DCTPP1: variants seen among roughly 807,000 people sequenced by gnomAD.
DCTPP1 encodes the protein XTP3-transactivated gene A protein.
DCTPP1 carries 8 observed loss-of-function variants against 8.8 expected under a neutral mutation model. The observed-to-expected ratio is 0.91, with a 90% CI of 0.54 to 1.64. The LOEUF (loss-of-function observed/expected upper bound fraction) is 1.64. Among genes scored for constraint, DCTPP1 ranks in the 40% most tolerant of loss-of-function variants. The probability of loss-of-function intolerance (pLI) is 0.00; values close to 1 mark genes in which losing one functional copy is unlikely to be tolerated. For synonymous variants in DCTPP1, 85 were observed against 92.1 expected, an observed-to-expected ratio of 0.92 and a Z score of 0.44; for missense variants, 231 against 230.4, an observed-to-expected ratio of 1.00 and a Z score of -0.02.
At position 30,424,129 on chromosome 16, in the gene DCTPP1, C is replaced by T; in HGVS notation, c.*104G>A. The T allele has an allele frequency of 7.2e-7, 1 of 1,387,846 alleles. No individual in the cohort carries two copies. The highest frequency in any genetic ancestry group is 9.6e-7 in the Non-Finnish European group (1 of 1,039,948). 86.0% of individuals were successfully genotyped at this position (1,387,846 alleles called of 1,614,324 possible). On this transcript the variant is annotated 3_prime_UTR_variant, in exon 3 of 3. Coordinates refer to ENST00000319285, the MANE Select transcript of DCTPP1 (RefSeq NM_024096.2). ...CTCAGACCTCAAGAAGTGGAGGCCT[C>T]AGGCCCATGATCTATTCTGAAAAGA...
Position 30,429,955 on chromosome 16 carries a change from C to T in DCTPP1, c.26G>A (p.Arg9His). The T allele has an allele frequency of 1.9e-6, 3 of 1,580,352 alleles. No homozygotes were observed. The Admixed American group carries it at 5.4e-5, about 28-fold the overall frequency. The part of the protein sequence containing the change: MSVAGGEI[R>H]GDTGGEDTAA... ...AGTGTCCTCTCCCCCCGTGTCCCCA[C>T]GAATCTCCCCACCGGCCACAGACAT... The change falls in exon 1 of 3, where the codon CGT (arginine) becomes CAT (histidine). Residue 9 changes from arginine (R) to histidine (H), a missense_variant. Transcript: ENST00000319285.
At chr16:30,424,906 C>T (rs868210230) in intron 2 of DCTPP1, among the ~76,000 whole-genome samples, 13 of 152,198 alleles carry the variant, frequency 8.5e-5, no homozygotes, top group Non-Finnish European at 1.6e-4. Context: ...TTTTTTGAGA[C>T]GGAGTCTCGC....
chr16:30,427,794 A>G (rs1332285584), intron 2 of DCTPP1, among the ~76,000 whole-genome samples: 2 of 152,162 alleles, frequency 1.3e-5, no homozygotes, highest in African/African-American at 4.8e-5. Flanking sequence ...GGAGTTTGAG[A>G]CCAGCCTGGG....
At chr16:30,426,844 G>A (rs1229882462) in intron 2 of DCTPP1, among the ~76,000 whole-genome samples, 1 of 147,308 alleles carries the variant, frequency 6.8e-6, no homozygotes, top group Non-Finnish European at 1.5e-5. Flanking sequence ...GGACTACAGG[G>A]GTGTGCCACC....
chr16:30,427,833 A>C (rs2050202786), intron 2 of DCTPP1, among the ~76,000 whole-genome samples: 1 of 152,188 alleles, frequency 6.6e-6, no homozygotes, highest in Non-Finnish European at 1.5e-5. Context: ...CCATCTCTAC[A>C]AAAAGTAAAA....
intron 1 of DCTPP1, chr16:30,429,399 C>A (rs866049900): frequency 2.2e-6 from 1 of 464,502 alleles, no homozygotes; most frequent in Non-Finnish European, 3.8e-6. Context: ...ACTAACAAAA[C>A]CCTCTTCATT....
At position 30,429,900 on chromosome 16, in the gene DCTPP1, C is replaced by G. The variant is rs750072598; in HGVS notation, c.81G>C (p.Pro27=). The change falls in exon 1 of 3, where the codon CCG becomes CCC. Residue 27 remains proline (P), a synonymous_variant. Coordinates refer to ENST00000319285, the MANE Select transcript of DCTPP1 (RefSeq NM_024096.2). ...TAAPGRFSFS[P]EPTLEDIRRL... is the part of the protein sequence containing the mutation. ...CTTACATGTCCTCGAGCGTGGGCTC[C>G]GGGCTGAAGCTGAACCGGCCGGGAG... 33 of 1,595,402 alleles carry G rather than the reference C, an allele frequency of 2.1e-5. No homozygotes were observed. Among genetic ancestry groups the G allele is most frequent in the South Asian group, 1.8e-4 (16 of 89,806 alleles).
chr16:30,424,326 CTT>C lies in DCTPP1; in HGVS notation c.418_419del (p.Lys140ValfsTer11). Reference sequence around the variant, plus strand: ...TGGCCCCATGGGGCAATTCTGTATACTTGCGGGAAGAGCTGCGGGCCAGATGG... The same window carrying C: ...TGGCCCCATGGGGCAATTCTGTATACGCGGGAAGAGCTGCGGGCCAGATGG... ...PAHLARSSSRKYTELPHGAIS... is the reference protein window; with the variant it reads ...PAHLARSSSRXYTELPHGAIS... On this transcript the variant is annotated frameshift_variant, in exon 3 of 3. Transcript: ENST00000319285. LOFTEE classifies it low-confidence loss of function (END_TRUNC). 8 of 1,614,264 alleles carry C rather than the reference CTT, an allele frequency of 5.0e-6. No individual in the cohort carries two copies. The South Asian group carries it at 8.8e-5, about 18-fold the overall frequency.
In DCTPP1 at chr16:30,424,330, C is replaced by A. The variant is rs143856356; in HGVS notation, c.416G>T (p.Arg139Leu). The A allele has an allele frequency of 2.2e-4, 356 of 1,614,220 alleles. 1 individual carries two copies. In the East Asian group the frequency reaches 7.1e-3, roughly 32 times the overall value. The change falls in exon 3 of 3, where the codon CGC (arginine) becomes CTC (leucine). Residue 139 changes from arginine to leucine, a missense_variant. Coordinates refer to ENST00000319285, the MANE Select transcript of DCTPP1 (RefSeq NM_024096.2). The stretch of plus-strand genomic sequence containing the variant: ...CCCATGGGGCAATTCTGTATACTTG[C>A]GGGAAGAGCTGCGGGCCAGATGGGC... ...YPAHLARSSS[R>L]KYTELPHGAI...
intron 2 of DCTPP1, among the ~76,000 whole-genome samples, chr16:30,426,157 G>A (rs1310401141): frequency 6.6e-6 from 1 of 152,108 alleles, no homozygotes; most frequent in African/African-American, 2.4e-5. Flanking sequence ...CTCCTGGCTC[G>A]TCACCTTGTG....
At chr16:30,426,262 G>A (rs895478166) in intron 2 of DCTPP1, among the ~76,000 whole-genome samples, 3 of 152,020 alleles carry the variant, frequency 2.0e-5, no homozygotes, top group Non-Finnish European at 2.9e-5. Flanking sequence ...TGCAAGCTCC[G>A]CCTCCCAGGT....
In DCTPP1 at chr16:30,424,187, T is replaced by C. The variant is rs1284331381; in HGVS notation, c.*46A>G. The C allele has an allele frequency of 1.3e-6, 2 of 1,598,220 alleles. No individual in the cohort carries two copies. On this transcript the variant is annotated 3_prime_UTR_variant, in exon 3 of 3. Coordinates refer to ENST00000319285, the MANE Select transcript of DCTPP1 (RefSeq NM_024096.2). ...AAGGCTCCAGGGCCAGGCCACTCTCTGCTCTTCAGACACCACCCTGAGTTG... is the reference window on the plus strand; with the variant it reads ...AAGGCTCCAGGGCCAGGCCACTCTCCGCTCTTCAGACACCACCCTGAGTTG...
At position 30,429,185 on chromosome 16, in the gene DCTPP1, A is replaced by G. The variant is rs780583576; in HGVS notation, c.102-18T>C. On this transcript the variant is annotated intron_variant, in intron 1 of 2. Transcript: ENST00000319285. ...GGCGGCGGCTGAAATAGGACAAAGG[A>G]GTGTAAGTCCAAGTCTCCGGGTTAG... is the stretch of plus-strand genomic sequence containing the variant. 2 of 1,613,200 alleles carry G rather than the reference A, an allele frequency of 1.2e-6. No individual in the cohort carries two copies. Among genetic ancestry groups the G allele is most frequent in the Non-Finnish European group, 1.7e-6 (2 of 1,179,488 alleles).
intron 2 of DCTPP1, 111 bp downstream of exon 2, chr16:30,428,946 C>A: frequency 8.6e-7 from 1 of 1,168,264 alleles, no homozygotes. Flanking sequence ...CAGCAAAGAG[C>A]CTAGCAATCA....
rs773589795 is a variant in DCTPP1, at chr16:30,424,408, T to G, written c.338A>C (p.Asp113Ala). 6 of 1,614,086 alleles carry G rather than the reference T, an allele frequency of 3.7e-6. No individual in the cohort carries two copies. Among genetic ancestry groups the G allele is most frequent in the Middle Eastern group, 1.6e-4 (1 of 6,084 alleles). ...LVALAARCRV[D>A]LPLAVLSKMD... ...TTTGGAGAGCACTGCTAGCGGCAGA[T>G]CCACACGGCAGCGGGCTGCTAATGC... The change falls in exon 3 of 3, where the codon GAT becomes GCT. Residue 113 changes from aspartate (D) to alanine (A), a missense_variant. Coordinates refer to ENST00000319285, the MANE Select transcript of DCTPP1 (RefSeq NM_024096.2).
At chr16:30,429,202 C>T in intron 1 of DCTPP1, 35 bp from the exon 2 acceptor site, 1 of 1,611,188 alleles carries the variant, frequency 6.2e-7, no homozygotes, top group Non-Finnish European at 8.5e-7. Context: ...GTCCAAGTCT[C>T]CGGGTTAGAG....
chr16:30,426,476 G>GTTTT (rs35240032), intron 2 of DCTPP1, among the ~76,000 whole-genome samples: 2 of 138,680 alleles, frequency 1.4e-5, no homozygotes, highest in African/African-American at 5.4e-5. Flanking sequence ...CACCTGGCCG[G>GTTTT]TTTTTTTTTT....
rs1401683019 is a variant in DCTPP1, at chr16:30,423,979, C to T, written c.*254G>A. The T allele has an allele frequency of 4.0e-6, 2 of 502,206 alleles. No individual in the cohort carries two copies. Among genetic ancestry groups the T allele is most frequent in the Non-Finnish European group, 7.0e-6 (2 of 283,784 alleles). The allele number at this position is 502,206 out of a possible 1,614,324, so 31.1% of individuals were successfully genotyped here. A position where few individuals can be genotyped will look rare whatever the true frequency, so the allele number is the denominator to read the frequency against. On this transcript the variant is annotated 3_prime_UTR_variant, in exon 3 of 3. Coordinates refer to ENST00000319285, the MANE Select transcript of DCTPP1 (RefSeq NM_024096.2). ...GGGTCTCAGAGGCACCCCTGGTACCCCCGTCATCACCTGCTGAGACAGAGA... is the reference window on the plus strand; with the variant it reads ...GGGTCTCAGAGGCACCCCTGGTACCTCCGTCATCACCTGCTGAGACAGAGA...
At chr16:30,429,835 G>GA in intron 1 of DCTPP1, 45 bp downstream of exon 1, 1 of 1,563,282 alleles carries the variant, frequency 6.4e-7, no homozygotes. Flanking sequence ...AAACGCGGGA[G>GA]AAAGGGGCGA....
Sources: allele counts gnomAD v4.1 joint callset (sites outside exome capture counted in the v4.1 genomes callset), GRCh38; gene constraint gnomAD v4.1.1; transcripts MANE v1.5; gene names NCBI Gene and HGNC (gene_info 2026-07-23, HGNC 2026-07-21).